HADHB: variants seen among roughly 807,000 people sequenced by gnomAD.
HADHB encodes the protein hydroxyacyl-CoA dehydrogenase trifunctional multienzyme complex subunit beta.
In HADHB, 50 loss-of-function variants were observed where a neutral mutation model predicts 61.9. That is an observed-to-expected ratio of 0.81 (90% confidence interval 0.64 to 1.02). HADHB has a LOEUF of 1.02. HADHB is among the 50% of genes least tolerant of loss of function. HADHB has a pLI of 0.00. For synonymous variants in HADHB, 191 were observed against 201.6 expected, an observed-to-expected ratio of 0.95 and a Z score of 0.45; for missense variants, 504 against 586.5, an observed-to-expected ratio of 0.86 and a Z score of 1.45.
At chr2:26,274,731 AATAC>A (rs1215119052) in intron 6 of HADHB, among the ~76,000 whole-genome samples, 1 of 152,224 alleles carries the variant, frequency 6.6e-6, no homozygotes, top group Non-Finnish European at 1.5e-5. Flanking sequence ...AGCTGCTCAT[AATAC>A]ATTTTCAACT....
Position 26,279,197 on chromosome 2 carries a change from C to T in HADHB, c.693C>T (p.Ala231=), listed in dbSNP as rs768034989. 2.5e-5 allele frequency: 41 copies of T among 1,613,738 alleles called. 1 individual carries two copies. The highest frequency in any genetic ancestry group is 1.6e-4 in the Middle Eastern group (1 of 6,084). ...ETMGHSADRL[A]AAFAVSRLEQ... is the part of the protein sequence containing the mutation. ...TGGGCCACTCTGCAGACCGACTGGC[C>T]GCTGCCTTTGCTGTTTCTCGGCTGG... The change falls in exon 9 of 16, where the codon GCC becomes GCT. Residue 231 remains alanine, a synonymous_variant. Coordinates refer to ENST00000317799, the MANE Select transcript of HADHB (RefSeq NM_000183.3).
chr2:26,274,549 A>C (rs1672468510), intron 6 of HADHB, among the ~76,000 whole-genome samples: 1 of 152,220 alleles, frequency 6.6e-6, no homozygotes, highest in South Asian at 2.1e-4. Context: ...AAATGTTAGA[A>C]CTGCCAAAGG....
rs551278284 is a variant in HADHB, at chr2:26,255,239, C to T, written c.109+765C>T. Among the ~76,000 whole-genome samples, 117 of 152,248 alleles carry T rather than the reference C, an allele frequency of 7.7e-4. 3 individuals are homozygous for T. The South Asian group carries it at 0.022, about 29-fold the overall frequency. ...TCCAGGCTGGGTGCGGGGGCTCACG[C>T]CTGTAATCCCAGCACTTTGGGAGGC... is the stretch of plus-strand genomic sequence containing the variant. On this transcript the variant is annotated intron_variant, in intron 3 of 15. Coordinates refer to ENST00000317799, the MANE Select transcript of HADHB (RefSeq NM_000183.3).
At chr2:26,281,942 G>A (rs777819778) in intron 10 of HADHB, among the ~76,000 whole-genome samples, 13 of 151,752 alleles carry the variant, frequency 8.6e-5, no homozygotes, top group East Asian at 1.9e-4. Flanking sequence ...GGTAAAGGAC[G>A]TTTTTTCAGT....
In HADHB at chr2:26,289,908, T is replaced by A. The variant is rs1673194995; in HGVS notation, c.1390-10T>A. Reference sequence around the variant, plus strand: ...TTCATTGCTCTAATTGGACTTTGTTTTCTTTACAGGGCCATGCTATGATAG... The same window carrying A: ...TTCATTGCTCTAATTGGACTTTGTTATCTTTACAGGGCCATGCTATGATAG... On this transcript the variant is annotated splice_polypyrimidine_tract_variant and intron_variant, in intron 15 of 15. Coordinates refer to ENST00000317799, the MANE Select transcript of HADHB (RefSeq NM_000183.3). 3 of 1,596,868 alleles carry A rather than the reference T, an allele frequency of 1.9e-6. No individual in the cohort carries two copies. Among genetic ancestry groups the A allele is most frequent in the Non-Finnish European group, 2.6e-6 (3 of 1,164,324 alleles).
chr2:26,277,254 T>C, intron 7 of HADHB, 94 bp downstream of exon 7: 1 of 591,198 alleles, frequency 1.7e-6, no homozygotes, highest in Non-Finnish European at 3.0e-6. Context: ...TTTTTTTTTT[T>C]TAACACAGAA....
At chr2:26,246,401 G>A (rs1024794662) in intron 1 of HADHB, among the ~76,000 whole-genome samples, 3 of 150,460 alleles carry the variant, frequency 2.0e-5, no homozygotes, top group African/African-American at 7.4e-5. Flanking sequence ...GGAGTGCAGT[G>A]GCGCGATCTT....
intron 4 of HADHB, among the ~76,000 whole-genome samples, chr2:26,266,426 G>C (rs1016499521): frequency 3.9e-5 from 6 of 152,096 alleles, no homozygotes; most frequent in African/African-American, 9.7e-5. Context: ...TGTTTAATTT[G>C]CAGAAACGTT....
intron 4 of HADHB, among the ~76,000 whole-genome samples, chr2:26,266,871 C>CAAAAAAAAAAAAAAAAAAAAAAAA (rs56401595): frequency 2.2e-5 from 1 of 45,418 alleles, no homozygotes; most frequent in African/African-American, 9.9e-5. Context: ...CACTCTCTCT[C>CAAAAAAAAAAAAAAAAAAAAAAAA]AAAAAAAAAA....
rs1672687680 is a variant in HADHB, at chr2:26,279,268, C to G, written c.764C>G (p.Ala255Gly). 6.2e-7 allele frequency: 1 copy of G among 1,613,260 alleles called. No homozygotes were observed. Among genetic ancestry groups the G allele is most frequent in the African/African-American group, 1.3e-5 (1 of 74,884 alleles). Residue 255 changes from alanine (A) to glycine (G), a missense_variant, in exon 9 of 16, where the codon GCA becomes GGA. Transcript: ENST00000317799. ...ALRSHSLAKK[A>G]QDEGLLSDVV... ...CGCTCTCACAGTCTAGCCAAGAAGG[C>G]ACAGGATGAAGGACTCCTTTCTGAT...
chr2:26,266,278 TA>T lies in HADHB; in HGVS notation c.209+2808del, dbSNP rs1003330892. On this transcript the variant is annotated intron_variant, in intron 4 of 15. Transcript: ENST00000317799. ...GGTGACAGAGCCAGACCTTGTCTCT[TA>T]AAAAAAAATTAATAATAATAACATA... Among the ~76,000 whole-genome samples, 7 of 150,944 alleles carry T rather than the reference TA, an allele frequency of 4.6e-5. No homozygotes were observed. In the East Asian group the frequency reaches 5.8e-4, roughly 13 times the overall value.
At chr2:26,289,525 G>T (rs924708438) in intron 15 of HADHB, among the ~76,000 whole-genome samples, 12 of 152,002 alleles carry the variant, frequency 7.9e-5, no homozygotes, top group African/African-American at 2.9e-4. Context: ...AGTTAAAAAA[G>T]CCCCTGGATT....
At chr2:26,283,873 A>T (rs1254457121) in intron 12 of HADHB, among the ~76,000 whole-genome samples, 1 of 152,156 alleles carries the variant, frequency 6.6e-6, no homozygotes, top group Admixed American at 6.5e-5. Flanking sequence ...TCATGTTATT[A>T]GCTTGTCCTT....
intron 7 of HADHB, among the ~76,000 whole-genome samples, chr2:26,278,085 C>T (rs1261470026): frequency 1.3e-5 from 2 of 152,204 alleles, no homozygotes; most frequent in Non-Finnish European, 2.9e-5. Flanking sequence ...CCCAGGTGGG[C>T]ACCCCACCTC....
At chr2:26,260,690 T>C in intron 3 of HADHB, 1 of 314,470 alleles carries the variant, frequency 3.2e-6, no homozygotes, top group East Asian at 6.7e-5. Context: ...GGTGTAGTAA[T>C]GGACCCTCAA....
intron 1 of HADHB, chr2:26,245,271 T>G (rs955133556): frequency 6.4e-5 from 11 of 170,708 alleles, no homozygotes; most frequent in African/African-American, 1.9e-4. Flanking sequence ...GGGGTGTGTG[T>G]GTGTGTGTGG....
Position 26,277,043 on chromosome 2 carries a change from T to A in HADHB, c.355-30T>A, listed in dbSNP as rs780739641. ...TTTACATGATGCCCTTCCCTTATAG[T>A]GATCATTTCATTCACTCTATTTCCT... On this transcript the variant is annotated intron_variant, in intron 6 of 15. Coordinates refer to ENST00000317799, the MANE Select transcript of HADHB (RefSeq NM_000183.3). 24 of 1,072,694 alleles carry A rather than the reference T, an allele frequency of 2.2e-5. No individual in the cohort carries two copies. The South Asian group carries it at 2.9e-4, about 13-fold the overall frequency. The allele number at this position is 1,072,694 out of a possible 1,614,324, so 66.4% of individuals were successfully genotyped here.
intron 3 of HADHB, among the ~76,000 whole-genome samples, chr2:26,257,535 C>G (rs867856425): frequency 1.3e-5 from 2 of 152,114 alleles, no homozygotes; most frequent in African/African-American, 4.8e-5. Flanking sequence ...TCTGTCTCCT[C>G]TGTGGCACCT....
chr2:26,289,733 G>C lies in HADHB; in HGVS notation c.1390-185G>C, dbSNP rs185388269. 1.4e-4 allele frequency among the ~76,000 whole-genome samples: 21 copies of C among 152,212 alleles called. No homozygotes were observed. The East Asian group carries it at 3.5e-3, about 25-fold the overall frequency. ...AAACTCTATGAAGTAGACACTATGA[G>C]CCCCATTTTGTAGAGGAAATTCCAG... On this transcript the variant is annotated intron_variant, in intron 15 of 15. Coordinates refer to ENST00000317799, the MANE Select transcript of HADHB (RefSeq NM_000183.3).
Sources: gnomAD v4.1 joint callset for allele counts (sites outside exome capture counted in the v4.1 genomes callset) on GRCh38, gnomAD v4.1.1 for gene constraint, MANE v1.5 for transcripts, NCBI Gene and HGNC (gene_info 2026-07-23, HGNC 2026-07-21) for gene names.